DCTN1: variants seen among roughly 807,000 people sequenced by gnomAD.
DCTN1 encodes the protein dynactin subunit 1.
DCTN1 carries 61 observed loss-of-function variants against 161.2 expected under a neutral mutation model. That is an observed-to-expected ratio of 0.38 (90% CI 0.31 to 0.47). The LOEUF is 0.47. Ranked by LOEUF, DCTN1 falls within the 20% of genes least tolerant of loss-of-function variation. DCTN1 has a pLI of 0.99. For synonymous variants in DCTN1, 653 were observed against 632.4 expected (o/e 1.03, Z -0.49); for missense variants, 1,404 against 1,623.7 (o/e 0.86, Z 2.33).
At chr2:74,384,153 T>C (rs1025589658), upstream of DCTN1, among the ~76,000 whole-genome samples, 1 of 152,236 alleles carries the variant, frequency 6.6e-6, no homozygotes, top group East Asian at 1.9e-4. Flanking sequence ...TAGGGCCTTC[T>C]CTGGGGAAAA....
chr2:74,368,574 T>G, intron 16 of DCTN1, 154 bp downstream of exon 16: 2 of 974,696 alleles, frequency 2.1e-6, no homozygotes, highest in Non-Finnish European at 3.1e-6. Flanking sequence ...ACACCATTTG[T>G]AATATATATT....
Position 74,377,437 on chromosome 2 carries a change from T to C in DCTN1, c.388A>G (p.Lys130Glu). ...CCCACCCCCAAATCACTCACCAGTT[T>C]GCTAGTCTTTGCAGTTGTATCAGTT... ...EGTDTTAKTSKLRGLKPKKAP... is the reference protein window; with the variant it reads ...EGTDTTAKTSELRGLKPKKAP... Residue 130 changes from lysine (K) to glutamate (E), a missense_variant, in exon 4 of 32, where the codon AAA becomes GAA. Around this residue, in one of 9 missense-constraint regions of DCTN1, gnomAD observed 174 missense variants for 175.6 expected, o/e 0.99. Transcript: ENST00000628224. 1 of 1,613,556 alleles carries C rather than the reference T, an allele frequency of 6.2e-7. No homozygotes were observed.
chr2:74,361,358 G>T lies in DCTN1; in HGVS notation c.*141C>A. ...GGTCAAGGTGAAGGGGCAGGACGCTGAAAGGGTGGGAGTGAAGCTGAACGG... is the reference window on the plus strand; with the variant it reads ...GGTCAAGGTGAAGGGGCAGGACGCTTAAAGGGTGGGAGTGAAGCTGAACGG... On this transcript the variant is annotated 3_prime_UTR_variant, in exon 32 of 32. Transcript: ENST00000628224. 8.3e-7 allele frequency: 1 copy of T among 1,207,682 alleles called. No homozygotes were observed. Among genetic ancestry groups the T allele is most frequent in the Non-Finnish European group, 1.2e-6 (1 of 843,086 alleles). 74.8% of individuals were successfully genotyped at this position (1,207,682 alleles called of 1,614,324 possible). A position where few individuals can be genotyped will look rare whatever the true frequency, so the allele number is the denominator to read the frequency against.
rs1553466396 is a variant in DCTN1 at position 74,377,718 on chromosome 2, T to C, written c.288A>G (p.Val96=). ...GIFVRQSQIQ[V]FEDGADTTSP... ...AAGTAGTATCTGCTCCATCTTCAAA[T>C]ACCTGGATCTGAGGCCAGATTCAAT... Residue 96 remains valine (V), a synonymous_variant, in exon 3 of 32, where the codon GTA becomes GTG. Coordinates refer to ENST00000628224, the MANE Select transcript of DCTN1 (RefSeq NM_004082.5). 1.9e-6 allele frequency: 3 copies of C among 1,613,562 alleles called. No homozygotes were observed. In the South Asian group the frequency reaches 3.3e-5, roughly 18 times the overall value.
intron 1 of DCTN1, among the ~76,000 whole-genome samples, chr2:74,388,640 A>G (rs1043459944): frequency 1.1e-4 from 17 of 152,218 alleles, no homozygotes; most frequent in African/African-American, 3.4e-4. Flanking sequence ...CACTTGAGAC[A>G]TATCTCCATT....
At chr2:74,373,239 C>G in intron 6 of DCTN1, 1 of 495,756 alleles carries the variant, frequency 2.0e-6, no homozygotes, top group Admixed American at 3.2e-5. Flanking sequence ...CATCTCTAGG[C>G]TGAGCCATAG....
At chr2:74,374,231 A>T in intron 6 of DCTN1, 92 bp downstream of exon 6, 8 of 1,247,526 alleles carry the variant, frequency 6.4e-6, no homozygotes, top group Non-Finnish European at 8.2e-6. Context: ...AGGTAGACAG[A>T]TGAAGTCAAT....
chr2:74,390,718 T>A, intron 1 of DCTN1: 1 of 412,692 alleles, frequency 2.4e-6, no homozygotes, highest in Non-Finnish European at 5.1e-6. Context: ...AGCATTAGCA[T>A]CACCTGGGAA....
At chr2:74,391,818 C>T (rs1254783236) in exon 1 of DCTN1, 1 of 453,952 alleles carries the variant, frequency 2.2e-6, no homozygotes, top group South Asian at 1.6e-5. Context: ...GCTCCGCGCC[C>T]AGCTCCGACC....
chr2:74,364,631 C>T (rs1257914059), intron 26 of DCTN1: 2 of 281,970 alleles, frequency 7.1e-6, no homozygotes, highest in Non-Finnish European at 1.4e-5. Context: ...GATATGACCA[C>T]ATCATAAAAT....
chr2:74,367,258 C>T (rs1674489463), intron 19 of DCTN1, 94 bp downstream of exon 19: 4 of 1,554,432 alleles, frequency 2.6e-6, no homozygotes, highest in Non-Finnish European at 2.7e-6. Flanking sequence ...CTGCCCTAGT[C>T]TTATGTGACA....
chr2:74,362,164 A>G (rs1214177125), intron 30 of DCTN1, 23 bp from the exon 31 acceptor site: 1 of 1,610,320 alleles, frequency 6.2e-7, no homozygotes, highest in East Asian at 2.2e-5. Flanking sequence ...AGAGGAAGAC[A>G]AGGGTTCATT....
chr2:74,369,301 T>C lies in DCTN1; in HGVS notation c.1583A>G (p.Gln528Arg). 6.2e-7 allele frequency: 1 copy of C among 1,614,164 alleles called. No individual in the cohort carries two copies. Among genetic ancestry groups the C allele is most frequent in the East Asian group, 2.2e-5 (1 of 44,882 alleles). Reference protein sequence around the residue: ...KKYRQLTAHLQDVNRELTNQQ... With the variant: ...KKYRQLTAHLRDVNRELTNQQ... Reference sequence around the variant, plus strand: ...AGAGAGCAAACAGTGGGCATGTACCTGTAGATGGGCGGTCAGCTGGCGGTA... The same window carrying C: ...AGAGAGCAAACAGTGGGCATGTACCCGTAGATGGGCGGTCAGCTGGCGGTA... Residue 528 changes from glutamine (Q) to arginine (R), a missense_variant and splice_region_variant, in exon 14 of 32, where the codon CAG becomes CGG. By Grantham distance (43) the Gln-to-Arg change is conservative (BLOSUM62 1). Transcript: ENST00000628224. The surrounding 1 kb of genome is among the most constrained non-coding windows in gnomAD (Gnocchi z 4.9).
chr2:74,376,687 T>G, intron 5 of DCTN1, 55 bp downstream of exon 5: 1 of 1,546,546 alleles, frequency 6.5e-7, no homozygotes. Context: ...GCAGGACAGC[T>G]GGGGAAGGGG....
At chr2:74,364,681 C>A (rs2104404465) in intron 26 of DCTN1, 2 of 328,226 alleles carry the variant, frequency 6.1e-6, no homozygotes, top group African/African-American at 2.1e-5. Context: ...AGTGTCCAAG[C>A]AGAGAAGCAA....
chr2:74,371,305 A>G (rs895036261), intron 8 of DCTN1, 129 bp from the exon 9 acceptor site: 15 of 1,588,360 alleles, frequency 9.4e-6, no homozygotes, highest in Middle Eastern at 2.1e-4. Flanking sequence ...AGTCAGTGGC[A>G]TAAGAACATC....
intron 23 of DCTN1, 112 bp downstream of exon 23, chr2:74,366,132 G>C: frequency 6.2e-7 from 1 of 1,609,808 alleles, no homozygotes; most frequent in African/African-American, 1.3e-5. Context: ...AGGCAGGATG[G>C]TGCTCTCCAG....
chr2:74,380,301 A>G lies in DCTN1; in HGVS notation c.-264T>C. ...ACAGAATCCTGCTTGCCAGCTGATG[A>G]GTCTCACTCTGCGCTAGTGCTGCTC... On this transcript the variant is annotated 5_prime_UTR_variant, in exon 1 of 32. Coordinates refer to ENST00000628224, the MANE Select transcript of DCTN1 (RefSeq NM_004082.5). 1 of 594,354 alleles carries G rather than the reference A, an allele frequency of 1.7e-6. No homozygotes were observed. Among genetic ancestry groups the G allele is most frequent in the Non-Finnish European group, 3.1e-6 (1 of 322,788 alleles). 36.8% of individuals were successfully genotyped at this position (594,354 alleles called of 1,614,324 possible).
At chr2:74,384,616 G>A (rs1302437351), upstream of DCTN1, among the ~76,000 whole-genome samples, 1 of 152,174 alleles carries the variant, frequency 6.6e-6, no homozygotes, top group Non-Finnish European at 1.5e-5. Context: ...AGATTTTGGA[G>A]AATGAAAAAG....
Sources: allele counts gnomAD v4.1 joint callset (sites outside exome capture counted in the v4.1 genomes callset), GRCh38; gene constraint gnomAD v4.1.1; regional missense constraint gnomAD v4.1.1; non-coding constraint Gnocchi (gnomAD v3.1); transcripts MANE v1.5; gene names NCBI Gene and HGNC (gene_info 2026-07-23, HGNC 2026-07-21).